The following PCP4 variants were observed in gnomAD, a reference collection of about 807,000 sequenced individuals.
PCP4 encodes calmodulin regulator protein PCP4.
A neutral mutation model predicts 10.0 loss-of-function variants in PCP4; 8 were observed. The ratio of observed to expected loss-of-function variants is 0.80; its 90% CI spans 0.47 to 1.45. The LOEUF is 1.45. Ranked by LOEUF, PCP4 falls within the 40% of genes most tolerant of loss-of-function variation. The pLI, the probability that PCP4 is intolerant of heterozygous loss-of-function variation, is 0.00. For missense variants in PCP4, 54 were observed against 74.4 expected (o/e 0.73, Z 1.01); for synonymous variants, 21 against 23.0 (o/e 0.91, Z 0.24).
At chr21:39,911,176 C>A (rs1198456680) in intron 2 of PCP4, among the ~76,000 whole-genome samples, 5 of 151,860 alleles carry the variant, frequency 3.3e-5, no homozygotes, top group African/African-American at 1.2e-4. Context: ...AAAGTAAGGG[C>A]AATGGATGGG....
At chr21:39,881,812 G>A (rs2087377086) in intron 1 of PCP4, among the ~76,000 whole-genome samples, 1 of 152,154 alleles carries the variant, frequency 6.6e-6, no homozygotes, top group African/African-American at 2.4e-5. Flanking sequence ...TCCAAGTCAG[G>A]TTTTCCGTCT....
intron 2 of PCP4, among the ~76,000 whole-genome samples, chr21:39,917,102 GAAAA>G (rs556888393): frequency 6.6e-6 from 1 of 151,506 alleles, no homozygotes; most frequent in African/African-American, 2.4e-5. Context: ...AAAAATTAAA[GAAAA>G]AAAAATTCTG....
chr21:39,926,559 T>G (rs1972936773), intron 2 of PCP4, among the ~76,000 whole-genome samples: 1 of 152,074 alleles, frequency 6.6e-6, no homozygotes, highest in Non-Finnish European at 1.5e-5. Flanking sequence ...CCTCTGGGAG[T>G]AGAAGGATTT....
chr21:39,910,958 C>T (rs1263077542), intron 2 of PCP4, among the ~76,000 whole-genome samples: 2 of 152,194 alleles, frequency 1.3e-5, no homozygotes, highest in African/African-American at 4.8e-5. Flanking sequence ...ATCATTTTAT[C>T]TCTTTGGGTT....
chr21:39,907,316 C>T (rs931609954), intron 2 of PCP4, among the ~76,000 whole-genome samples: 2 of 152,016 alleles, frequency 1.3e-5, no homozygotes, highest in Non-Finnish European at 2.9e-5. Context: ...GGACCCCGGG[C>T]AGAAGTCCCC....
intron 2 of PCP4, among the ~76,000 whole-genome samples, chr21:39,919,943 TG>T (rs1355371387): frequency 1.3e-5 from 2 of 150,442 alleles, no homozygotes; most frequent in Non-Finnish European, 3.0e-5. Flanking sequence ...TATGAGTGCA[TG>T]TGTGTGGAGT....
intron 1 of PCP4, among the ~76,000 whole-genome samples, chr21:39,888,540 A>G (rs1299666434): frequency 6.6e-6 from 1 of 152,200 alleles, no homozygotes; most frequent in East Asian, 1.9e-4. Context: ...GAATTTCTCC[A>G]GTGATACGCA....
At chr21:39,894,436 T>A (rs2087447829) in intron 1 of PCP4, among the ~76,000 whole-genome samples, 1 of 152,252 alleles carries the variant, frequency 6.6e-6, no homozygotes, top group Admixed American at 6.5e-5. Context: ...ACTCTAGTCC[T>A]TAGTTCTCTA....
chr21:39,916,441 T>A (rs746744612), intron 2 of PCP4, among the ~76,000 whole-genome samples: 20 of 152,260 alleles, frequency 1.3e-4, no homozygotes, highest in Middle Eastern at 3.4e-3. Context: ...AAAGGGCTTT[T>A]ATTATAAGAC....
chr21:39,894,902 A>T lies in PCP4; in HGVS notation c.10-3574A>T, dbSNP rs73215379. On this transcript the variant is annotated intron_variant, in intron 1 of 2. Coordinates refer to ENST00000328619, the MANE Select transcript of PCP4 (RefSeq NM_006198.3). Reference sequence around the variant, plus strand: ...GAGAAAAGGCAGCCTCTTCCCGAAGATGCTAACTTCTGTCACGTCATGAAA... The same window carrying T: ...GAGAAAAGGCAGCCTCTTCCCGAAGTTGCTAACTTCTGTCACGTCATGAAA... 4.1e-3 allele frequency among the ~76,000 whole-genome samples: 621 copies of T among 152,292 alleles called. 3 individuals are homozygous for T. Among genetic ancestry groups the T allele is most frequent in the Non-Finnish European group, 6.5e-3 (440 of 68,022 alleles).
intron 1 of PCP4, among the ~76,000 whole-genome samples, chr21:39,895,431 C>G (rs2087452383): frequency 6.6e-6 from 1 of 152,222 alleles, no homozygotes; most frequent in African/African-American, 2.4e-5. Flanking sequence ...CATTTACCTT[C>G]AAACTCAAAT....
At chr21:39,870,271 G>T (rs192401365) in intron 1 of PCP4, among the ~76,000 whole-genome samples, 42 of 152,368 alleles carry the variant, frequency 2.8e-4, no homozygotes, top group Admixed American at 1.9e-3. Flanking sequence ...GTACAGCGAG[G>T]AAAGTAAAGT....
chr21:39,902,228 A>G (rs1010496527), intron 2 of PCP4, among the ~76,000 whole-genome samples: 1 of 152,226 alleles, frequency 6.6e-6, no homozygotes, highest in Non-Finnish European at 1.5e-5. Flanking sequence ...TTGGATAGTA[A>G]CACTTCATAA....
chr21:39,916,222 A>G (rs1398384473), intron 2 of PCP4: 2 of 152,212 alleles, frequency 1.3e-5, no homozygotes, highest in East Asian at 3.8e-4. Context: ...ATTTTCATTT[A>G]CCCACTTTCC....
At chr21:39,889,569 A>G (rs2087419202) in intron 1 of PCP4, among the ~76,000 whole-genome samples, 1 of 149,404 alleles carries the variant, frequency 6.7e-6, no homozygotes, top group African/African-American at 2.5e-5. Context: ...GGCACCCACC[A>G]CCACGCCTGG....
intron 2 of PCP4, among the ~76,000 whole-genome samples, chr21:39,919,298 C>T (rs1423251761): frequency 6.6e-6 from 1 of 152,238 alleles, no homozygotes; most frequent in Non-Finnish European, 1.5e-5. Context: ...GGCAACACAG[C>T]TGACAGATGT....
chr21:39,924,250 G>C (rs1282748229), intron 2 of PCP4, among the ~76,000 whole-genome samples: 1 of 152,178 alleles, frequency 6.6e-6, no homozygotes, highest in Non-Finnish European at 1.5e-5. Flanking sequence ...GTGCTTTAAG[G>C]TACAACCGAG....
intron 1 of PCP4, among the ~76,000 whole-genome samples, chr21:39,886,286 G>A (rs1373058614): frequency 6.6e-6 from 1 of 152,072 alleles, no homozygotes; most frequent in Non-Finnish European, 1.5e-5. Context: ...TTAATTTTCA[G>A]GAAACTGACA....
At chr21:39,926,318 C>A (rs2087621187) in intron 2 of PCP4, 1 of 173,474 alleles carries the variant, frequency 5.8e-6, no homozygotes, top group Non-Finnish European at 1.2e-5. Context: ...CTCACTGTTT[C>A]ATTATATATT....
Sources: allele counts gnomAD v4.1 joint callset (sites outside exome capture counted in the v4.1 genomes callset), GRCh38; gene constraint gnomAD v4.1.1; transcripts MANE v1.5; gene names NCBI Gene and HGNC (gene_info 2026-07-23, HGNC 2026-07-21).